KIF13B: variants seen among roughly 807,000 people sequenced by gnomAD.
The protein encoded by KIF13B is kinesin family member 13B, also known as kinesin-like protein KIF13B.
In KIF13B, 127 loss-of-function variants were observed where a neutral mutation model predicts 222.0. That is an observed-to-expected ratio of 0.57 (90% CI 0.50 to 0.66). KIF13B has a LOEUF of 0.66. Ranked by LOEUF, KIF13B falls within the 30% of genes least tolerant of loss-of-function variation. The pLI, the probability that KIF13B is intolerant of heterozygous loss-of-function variation, is 0.00. For synonymous variants in KIF13B, 976 were observed against 919.0 expected, an observed-to-expected ratio of 1.06 and a Z score of -1.12; for missense variants, 2,173 against 2,379.0, an observed-to-expected ratio of 0.91 and a Z score of 1.80.
chr8:29,115,547 A>G (rs1254097408), intron 31 of KIF13B, among the ~76,000 whole-genome samples: 2 of 152,042 alleles, frequency 1.3e-5, no homozygotes, highest in Non-Finnish European at 2.9e-5. Flanking sequence ...GCTGGTCTCA[A>G]ACTCCCGACC....
intron 12 of KIF13B, among the ~76,000 whole-genome samples, chr8:29,161,701 C>CA (rs1016768797): frequency 7.8e-4 from 114 of 147,076 alleles, no homozygotes; most frequent in Non-Finnish European, 1.3e-3. Context: ...ATCTCAAAAC[C>CA]CCCCCCCAAA....
chr8:29,217,373 T>A (rs1167753772), intron 2 of KIF13B, among the ~76,000 whole-genome samples: 1 of 152,240 alleles, frequency 6.6e-6, no homozygotes, highest in Non-Finnish European at 1.5e-5. Flanking sequence ...TGCCTGGTTG[T>A]GAATCCCAGC....
Position 29,218,275 on chromosome 8 carries a change from T to C in KIF13B, c.150-22076A>G, listed in dbSNP as rs146054546. 5.4e-4 allele frequency among the ~76,000 whole-genome samples: 83 copies of C among 152,328 alleles called. 1 individual carries two copies. In the East Asian group the frequency reaches 8.5e-3, roughly 16 times the overall value. On this transcript the variant is annotated intron_variant, in intron 2 of 39. Coordinates refer to ENST00000524189, the MANE Select transcript of KIF13B (RefSeq NM_015254.4). The stretch of plus-strand genomic sequence containing the variant: ...ATTGTAGGCATTCAGTGAATGTTTA[T>C]TGAAATCAGAGCCTAGGAATTAGGT...
At chr8:29,082,673 T>A (rs929644395) in intron 37 of KIF13B, among the ~76,000 whole-genome samples, 2 of 152,042 alleles carry the variant, frequency 1.3e-5, no homozygotes, top group Non-Finnish European at 2.9e-5. Context: ...AACTTCTACA[T>A]AATACTTAAA....
In KIF13B at chr8:29,155,939, T is replaced by C. The variant is rs184311766; in HGVS notation, c.1405-83A>G. The C allele has an allele frequency of 8.0e-4, 926 of 1,152,188 alleles. 9 individuals carry two copies. The African/African-American group carries it at 0.013, about 16-fold the overall frequency. 71.4% of individuals were successfully genotyped at this position (1,152,188 alleles called of 1,614,324 possible). A position where few individuals can be genotyped will look rare whatever the true frequency, so the allele number is the denominator to read the frequency against. On this transcript the variant is annotated intron_variant, in intron 13 of 39. Coordinates refer to ENST00000524189, the MANE Select transcript of KIF13B (RefSeq NM_015254.4). ...ATCATTTACACTGAGCCCTCTTATA[T>C]TGTCCTATTACCTTTGCGAAAATTT...
In KIF13B at chr8:29,069,579, G is replaced by C. The variant is rs1454472655; in HGVS notation, c.*925C>G. On this transcript the variant is annotated 3_prime_UTR_variant, in exon 40 of 40. Transcript: ENST00000524189. ...CACTGTGGATCCGCAATAGAGGGAT[G>C]TGAGGAGGGGGCTTTATCCTCTGCC... The C allele has an allele frequency of 6.6e-6, 1 of 152,296 alleles. No homozygotes were observed. The highest frequency in any genetic ancestry group is 1.5e-5 in the Non-Finnish European group (1 of 68,100). The allele number at this position is 152,296 out of a possible 1,614,324, so 9.4% of individuals were successfully genotyped here.
chr8:29,205,111 C>T (rs2065668057), intron 2 of KIF13B, among the ~76,000 whole-genome samples: 1 of 152,056 alleles, frequency 6.6e-6, no homozygotes, highest in South Asian at 2.1e-4. Context: ...ATCGCTTCAG[C>T]CCAGGAGATG....
intron 24 of KIF13B, among the ~76,000 whole-genome samples, chr8:29,128,011 T>C (rs1413742090): frequency 1.3e-5 from 2 of 151,164 alleles, no homozygotes. Flanking sequence ...TAAATATAAA[T>C]ATAAATATAA....
chr8:29,130,352 T>A (rs1285328800), intron 24 of KIF13B, among the ~76,000 whole-genome samples, 181 bp downstream of exon 24: 3 of 152,144 alleles, frequency 2.0e-5, no homozygotes, highest in Non-Finnish European at 1.5e-5. Flanking sequence ...GTGTCTCTAC[T>A]TCATTAAAAG....
intron 3 of KIF13B, 114 bp from the exon 4 acceptor site, chr8:29,191,171 G>A: frequency 1.3e-6 from 1 of 745,370 alleles, no homozygotes. Flanking sequence ...CATACAATGG[G>A]AATTAATTAT....
chr8:29,098,264 T>C (rs146785974), intron 36 of KIF13B, among the ~76,000 whole-genome samples: 1,629 of 149,586 alleles, frequency 0.011, 17 homozygotes, highest in Non-Finnish European at 0.015. Context: ...ATATAACCTA[T>C]GATAGGTGAC....
intron 11 of KIF13B, among the ~76,000 whole-genome samples, chr8:29,166,057 G>C (rs2291456): frequency 0.6 from 91,894 of 151,998 alleles, 30,436 homozygotes; most frequent in Non-Finnish European, 0.76. Context: ...AGCTTCTAAG[G>C]GTTTATCTTT....
chr8:29,071,963 C>T lies in KIF13B; in HGVS notation c.4875G>A (p.Gln1625=). 2 of 1,343,990 alleles carry T rather than the reference C, an allele frequency of 1.5e-6. No individual in the cohort carries two copies. The highest frequency in any genetic ancestry group is 3.4e-5 in the South Asian group (2 of 58,244). 83.3% of individuals were successfully genotyped at this position (1,343,990 alleles called of 1,614,324 possible). A position where few individuals can be genotyped will look rare whatever the true frequency, so the allele number is the denominator to read the frequency against. The part of the protein sequence containing the change: ...AVPAEEPPGP[Q]QLVSPGRERP... Reference sequence around the variant, plus strand: ...GCTCCCGACCGGGGCTCACGAGCTGCTGGGGGCCAGGGGGCTCCTCGGCGG... The same window carrying T: ...GCTCCCGACCGGGGCTCACGAGCTGTTGGGGGCCAGGGGGCTCCTCGGCGG... Residue 1625 remains glutamine (Q), a synonymous_variant, in exon 39 of 40, where the codon CAG becomes CAA. Transcript: ENST00000524189. This position sits in a 1 kb window ranked among gnomAD's most constrained non-coding sequence, Gnocchi z 4.9.
chr8:29,126,483 T>A lies in KIF13B; in HGVS notation c.3251A>T (p.Gln1084Leu). 6.5e-7 allele frequency: 1 copy of A among 1,537,294 alleles called. No individual in the cohort carries two copies. Among genetic ancestry groups the A allele is most frequent in the Non-Finnish European group, 8.9e-7 (1 of 1,118,828 alleles). Residue 1084 changes from glutamine to leucine, a missense_variant and splice_region_variant, in exon 26 of 40, where the codon CAG becomes CTG. Physicochemically the swap from Gln to Leu is moderately radical, Grantham distance 113. Coordinates refer to ENST00000524189, the MANE Select transcript of KIF13B (RefSeq NM_015254.4). ...TGAGATTAACAGGTGCTAAATTACC[T>A]GGTAGCTGTCCATGTCTTCCTCTTC... ...HEEEEDMDSY[Q>L]DRDLERLRRK...
At chr8:29,259,310 A>G (rs145507292) in intron 1 of KIF13B, among the ~76,000 whole-genome samples, 1 of 152,326 alleles carries the variant, frequency 6.6e-6, no homozygotes, top group East Asian at 1.9e-4. Flanking sequence ...CTCATTTGAA[A>G]TATCTCCTGA....
intron 2 of KIF13B, among the ~76,000 whole-genome samples, chr8:29,226,625 G>T (rs751616392): frequency 6.6e-6 from 1 of 152,190 alleles, no homozygotes; most frequent in Non-Finnish European, 1.5e-5. Flanking sequence ...TTGCTGGTCA[G>T]AATGATTTAA....
At chr8:29,181,376 G>A (rs1025083344) in intron 7 of KIF13B, among the ~76,000 whole-genome samples, 1 of 152,048 alleles carries the variant, frequency 6.6e-6, no homozygotes, top group Non-Finnish European at 1.5e-5. Context: ...ACCTACCATA[G>A]GACAGGTACT....
At chr8:29,118,754 T>C (rs1174849111) in intron 30 of KIF13B, 114 bp downstream of exon 30, 10 of 1,056,888 alleles carry the variant, frequency 9.5e-6, no homozygotes, top group Non-Finnish European at 1.1e-5. Flanking sequence ...TTTTGCTTTA[T>C]GTATTTTGAG....
intron 26 of KIF13B, among the ~76,000 whole-genome samples, chr8:29,124,419 C>T (rs1435340560): frequency 1.3e-5 from 2 of 152,180 alleles, no homozygotes; most frequent in East Asian, 3.8e-4. Flanking sequence ...TAAAAGGTCT[C>T]TTTGCTGGAT....
Sources: allele counts gnomAD v4.1 joint callset (sites outside exome capture counted in the v4.1 genomes callset), GRCh38; gene constraint gnomAD v4.1.1; non-coding constraint Gnocchi (gnomAD v3.1); transcripts MANE v1.5; gene names NCBI Gene and HGNC (gene_info 2026-07-23, HGNC 2026-07-21).